The following HSF1 variants were observed in gnomAD, a reference collection of about 807,000 sequenced individuals.
The protein encoded by HSF1 is heat shock transcription factor 1, also known as heat shock factor protein 1.
HSF1 carries 32 observed loss-of-function variants against 51.7 expected under a neutral mutation model. The ratio of observed to expected loss-of-function variants is 0.62; its 90% CI spans 0.47 to 0.83. HSF1 has a LOEUF of 0.83. Ranked by LOEUF, HSF1 falls within the 40% of genes least tolerant of loss-of-function variation. HSF1 has a pLI of 0.00. For missense variants in HSF1, 727 were observed against 717.0 expected, an observed-to-expected ratio of 1.01 and a Z score of -0.16; for synonymous variants, 396 against 309.7, an observed-to-expected ratio of 1.28 and a Z score of -2.92.
Position 144,311,171 on chromosome 8 carries a change from C to T in HSF1, c.489-3C>T, listed in dbSNP as rs781875024. 4 of 1,598,262 alleles carry T rather than the reference C, an allele frequency of 2.5e-6. No homozygotes were observed. The highest frequency in any genetic ancestry group is 2.6e-6 in the Non-Finnish European group (3 of 1,172,898). On this transcript the variant is annotated splice_region_variant and splice_polypyrimidine_tract_variant and intron_variant, in intron 4 of 12. Transcript: ENST00000528838. ...CCCACTGACCCAGCCTGGTCTGTTGCAGTGAGAATGAGGCTCTGTGGCGGG... is the reference window on the plus strand; with the variant it reads ...CCCACTGACCCAGCCTGGTCTGTTGTAGTGAGAATGAGGCTCTGTGGCGGG...
intron 1 of HSF1, among the ~76,000 whole-genome samples, chr8:144,298,696 G>A (rs62532312): frequency 3.8e-4 from 58 of 152,114 alleles, no homozygotes; most frequent in Admixed American, 3.1e-3. Context: ...GCAGACTCAC[G>A]TGCAGAGAAC....
chr8:144,292,957 AAAAAAAAG>A (rs1815199316), intron 1 of HSF1, among the ~76,000 whole-genome samples: 1 of 35,040 alleles, frequency 2.9e-5, no homozygotes, highest in African/African-American at 1.1e-4. Context: ...CCTGTCTAAG[AAAAAAAAG>A]AAAAAAAAGA....
At chr8:144,311,015 A>T in intron 4 of HSF1, 159 bp from the exon 5 acceptor site, 1 of 668,788 alleles carries the variant, frequency 1.5e-6, no homozygotes, top group South Asian at 1.9e-5. Context: ...CCTGGCCCCC[A>T]GTCCCTCCAC....
intron 1 of HSF1, among the ~76,000 whole-genome samples, chr8:144,300,178 A>AT (rs1490854578): frequency 6.7e-6 from 1 of 149,394 alleles, no homozygotes; most frequent in East Asian, 2.0e-4. Context: ...CATGCTCACC[A>AT]TCAGCAGTGA....
In HSF1 at chr8:144,313,016, TG is replaced by T. The variant is rs1554845353; in HGVS notation, c.1143-492del. 5 of 495,526 alleles carry T rather than the reference TG, an allele frequency of 1.0e-5. No homozygotes were observed. The East Asian group carries it at 1.5e-4, about 14-fold the overall frequency. The allele number at this position is 495,526 out of a possible 1,614,324, so 30.7% of individuals were successfully genotyped here. A position where few individuals can be genotyped will look rare whatever the true frequency, so the allele number is the denominator to read the frequency against. On this transcript the variant is annotated intron_variant, in intron 9 of 12. Transcript: ENST00000528838. ...TCAGGCAGGGTCTCCAGGGCACCTC[TG>T]GGACCCAGCCTGGCTGTCCGTCCCA... is the stretch of plus-strand genomic sequence containing the variant.
Position 144,309,840 on chromosome 8 carries a change from G to T in HSF1, c.432G>T (p.Val144=), listed in dbSNP as rs1554844000. 6.2e-7 allele frequency: 1 copy of T among 1,613,972 alleles called. No homozygotes were observed. The highest frequency in any genetic ancestry group is 1.1e-5 in the South Asian group (1 of 91,082). ...GCGTCACCAAGCTGCTGACGGACGT[G>T]CAGCTGATGAAGGGGAAGCAGGAGT... is the stretch of plus-strand genomic sequence containing the variant. ...QDSVTKLLTD[V]QLMKGKQECM... The change falls in exon 4 of 13, where the codon GTG becomes GTT. Residue 144 remains valine (V), a synonymous_variant. Transcript: ENST00000528838.
chr8:144,298,091 T>G (rs1331544326), intron 1 of HSF1, among the ~76,000 whole-genome samples: 1 of 152,156 alleles, frequency 6.6e-6, no homozygotes, highest in East Asian at 1.9e-4. Context: ...TATCCAGTTA[T>G]GACCGGTGAC....
intron 1 of HSF1, among the ~76,000 whole-genome samples, chr8:144,294,007 C>T (rs1229561652): frequency 6.6e-6 from 1 of 151,858 alleles, no homozygotes; most frequent in African/African-American, 2.4e-5. Context: ...TGGCCAGCCT[C>T]CACTCCACTC....
chr8:144,308,418 T>A (rs536241753), intron 1 of HSF1, among the ~76,000 whole-genome samples: 208 of 152,368 alleles, frequency 1.4e-3, no homozygotes, highest in African/African-American at 4.7e-3. Flanking sequence ...AATTTGGATT[T>A]CTGAACGCGA....
intron 9 of HSF1, 114 bp from the exon 10 acceptor site, chr8:144,313,397 G>A (rs1564624970): frequency 2.9e-6 from 2 of 699,960 alleles, no homozygotes; most frequent in Non-Finnish European, 5.0e-6. Flanking sequence ...CTGTGCAGGC[G>A]TACACGGGGG....
At chr8:144,307,789 GA>G (rs112017546) in intron 1 of HSF1, among the ~76,000 whole-genome samples, 55 of 146,380 alleles carry the variant, frequency 3.8e-4, no homozygotes, top group Non-Finnish European at 5.1e-4. Flanking sequence ...CCTTGTCTCA[GA>G]AAAAAAAAAA....
intron 1 of HSF1, among the ~76,000 whole-genome samples, chr8:144,305,981 C>T (rs1816199982): frequency 6.6e-6 from 1 of 152,052 alleles, no homozygotes; most frequent in South Asian, 2.1e-4. Context: ...ATCCGCCTGC[C>T]TTGGCCTCCC....
rs781786500 is a variant in HSF1 at position 144,309,481 on chromosome 8, G to A, written c.253G>A (p.Glu85Lys). 9 of 1,613,868 alleles carry A rather than the reference G, an allele frequency of 5.6e-6. No individual in the cohort carries two copies. Among genetic ancestry groups the A allele is most frequent in the Non-Finnish European group, 7.6e-6 (9 of 1,180,006 alleles). ...MYGFRKVVHI[E>K]QGGLVKPERD... The stretch of plus-strand genomic sequence containing the variant: ...TGGCTTCCGGAAAGTGGTCCACATC[G>A]AGCAGGGCGGCCTGGTCAAGCCAGA... Residue 85 changes from glutamate to lysine, a missense_variant, in exon 3 of 13, where the codon GAG becomes AAG. Physicochemically the swap from Glu to Lys is moderately conservative, Grantham distance 56. Coordinates refer to ENST00000528838, the MANE Select transcript of HSF1 (RefSeq NM_005526.4).
chr8:144,301,977 C>T (rs1815918043), intron 1 of HSF1, among the ~76,000 whole-genome samples: 1 of 151,444 alleles, frequency 6.6e-6, no homozygotes. Flanking sequence ...CATAGCTTGG[C>T]CAACATGGTG....
At position 144,297,883 on chromosome 8, in the gene HSF1, CACAG is replaced by C. The variant is rs1297841568; in HGVS notation, c.117+6013_117+6016del. On this transcript the variant is annotated intron_variant, in intron 1 of 12. Coordinates refer to ENST00000528838, the MANE Select transcript of HSF1 (RefSeq NM_005526.4). The surrounding 1 kb of genome is among the most constrained non-coding windows in gnomAD (Gnocchi z 4.6). ...AGCCCTTTGAGAAGATACTCAGAGACACAGACACTTTCTATGTAAGGTGTCCCTA... is the reference window on the plus strand; with the variant it reads ...AGCCCTTTGAGAAGATACTCAGAGACACACTTTCTATGTAAGGTGTCCCTA... Among the ~76,000 whole-genome samples, 1 of 152,180 alleles carries C rather than the reference CACAG, an allele frequency of 6.6e-6. No individual in the cohort carries two copies. The highest frequency in any genetic ancestry group is 1.5e-5 in the Non-Finnish European group (1 of 68,046).
chr8:144,309,480 C>T lies in HSF1; in HGVS notation c.252C>T (p.Ile84=), dbSNP rs143928888. Residue 84 remains isoleucine (I), a synonymous_variant, in exon 3 of 13, where the codon ATC becomes ATT. Coordinates refer to ENST00000528838, the MANE Select transcript of HSF1 (RefSeq NM_005526.4). The part of the protein sequence containing the change: ...NMYGFRKVVH[I]EQGGLVKPER... The stretch of plus-strand genomic sequence containing the variant: ...ATGGCTTCCGGAAAGTGGTCCACAT[C>T]GAGCAGGGCGGCCTGGTCAAGCCAG... The T allele has an allele frequency of 4.0e-5, 64 of 1,614,038 alleles. No homozygotes were observed. In the African/African-American group the frequency reaches 6.3e-4, roughly 16 times the overall value.
chr8:144,312,185 T>TTGCCG lies in HSF1; in HGVS notation c.1083_1084insTGCCG (p.Pro362CysfsTer17). The TTGCCG allele has an allele frequency of 6.5e-7, 1 of 1,532,950 alleles. No individual in the cohort carries two copies. The highest frequency in any genetic ancestry group is 1.4e-5 in the African/African-American group (1 of 70,066). The allele number at this position is 1,532,950 out of a possible 1,614,324, so 95.0% of individuals were successfully genotyped here. ...GCCACACGGACACCGAGGGCCGGCCTCCCTCCCCCCCGCCCACCTCCACCC... is the reference window on the plus strand; with the variant it reads ...GCCACACGGACACCGAGGGCCGGCCTTGCCGCCCTCCCCCCCGCCCACCTCCACCC... On this transcript the variant is annotated frameshift_variant, in exon 9 of 13. Transcript: ENST00000528838. LOFTEE classifies it high-confidence loss of function.
At chr8:144,307,397 C>G (rs556139979) in intron 1 of HSF1, among the ~76,000 whole-genome samples, 1 of 152,332 alleles carries the variant, frequency 6.6e-6, no homozygotes, top group Non-Finnish European at 1.5e-5. Context: ...GGGACTGCAG[C>G]TGTTGGTTTT....
chr8:144,300,487 G>GATTA (rs1815793624), intron 1 of HSF1, among the ~76,000 whole-genome samples: 4 of 152,018 alleles, frequency 2.6e-5, no homozygotes, highest in South Asian at 4.1e-4. Flanking sequence ...AAAGTGTTGG[G>GATTA]CGCGTCAGCC....
Sources: gnomAD v4.1 joint callset for allele counts (sites outside exome capture counted in the v4.1 genomes callset) on GRCh38, gnomAD v4.1.1 for gene constraint, Gnocchi (gnomAD v3.1) non-coding constraint, MANE v1.5 for transcripts, NCBI Gene and HGNC (gene_info 2026-07-23, HGNC 2026-07-21) for gene names.